The following NCK1 variants were observed in gnomAD, a reference collection of about 807,000 sequenced individuals.
NCK1 encodes SH2/SH3 adapter protein NCK1.
Under a neutral mutation model 36.6 loss-of-function variants are expected in NCK1, and 19 were observed. That is an observed-to-expected ratio of 0.52 (90% CI 0.36 to 0.76). NCK1 has a LOEUF of 0.76. NCK1 is among the 30% of genes least tolerant of loss of function. NCK1 has a pLI of 0.00. For synonymous variants in NCK1, 165 were observed against 156.0 expected (o/e 1.06, Z -0.43); for missense variants, 358 against 445.6 (o/e 0.80, Z 1.77).
chr3:136,905,186 A>G (rs1013598470), intron 1 of NCK1, among the ~76,000 whole-genome samples: 12 of 150,586 alleles, frequency 8.0e-5, no homozygotes, highest in East Asian at 3.9e-4. Context: ...TGTGGCGGCA[A>G]TTTTTTTGTA....
intron 1 of NCK1, among the ~76,000 whole-genome samples, chr3:136,903,710 C>T (rs1939607237): frequency 6.6e-6 from 1 of 152,146 alleles, no homozygotes; most frequent in African/African-American, 2.4e-5. Flanking sequence ...TAGGTGAGAG[C>T]CACACCGCGC....
intron 1 of NCK1, among the ~76,000 whole-genome samples, chr3:136,867,177 CTTCTTTCTTTCT>C (rs1172633221): frequency 3.9e-5 from 1 of 25,582 alleles, no homozygotes; most frequent in Non-Finnish European, 9.3e-5. Context: ...TCCTTCCTTC[CTTCTTTCTTTCT>C]TTTCTTTCTT....
intron 1 of NCK1, among the ~76,000 whole-genome samples, chr3:136,881,471 G>A (rs556654109): frequency 2.6e-5 from 4 of 152,258 alleles, no homozygotes; most frequent in African/African-American, 4.8e-5. Flanking sequence ...GCCCGCCTCG[G>A]CCTCCCAAGT....
intron 2 of NCK1, 111 bp downstream of exon 2, chr3:136,928,338 G>A: frequency 9.5e-7 from 1 of 1,057,336 alleles, no homozygotes; most frequent in Non-Finnish European, 1.3e-6. Context: ...AAAGGCAAGG[G>A]CTAGGTAAGT....
At chr3:136,874,276 A>G (rs1938705456) in intron 1 of NCK1, among the ~76,000 whole-genome samples, 1 of 152,104 alleles carries the variant, frequency 6.6e-6, no homozygotes, top group Admixed American at 6.6e-5. Context: ...CCCAGGTTCA[A>G]GTGATTGTCC....
chr3:136,881,204 C>T (rs757027820), intron 1 of NCK1, among the ~76,000 whole-genome samples: 10 of 152,012 alleles, frequency 6.6e-5, no homozygotes, highest in Non-Finnish European at 1.3e-4. Flanking sequence ...TCTTCACTTA[C>T]ACTATTGGCC....
At chr3:136,864,390 C>G (rs1938349308) in intron 1 of NCK1, among the ~76,000 whole-genome samples, 1 of 152,004 alleles carries the variant, frequency 6.6e-6, no homozygotes, top group Non-Finnish European at 1.5e-5. Context: ...ACTCGGGAGT[C>G]TGAGGCAGGA....
chr3:136,891,331 C>T (rs914681939), intron 1 of NCK1, among the ~76,000 whole-genome samples: 14 of 152,128 alleles, frequency 9.2e-5, no homozygotes, highest in East Asian at 3.9e-4. Context: ...ATGGGGGTTT[C>T]GCCATGTTGG....
intron 1 of NCK1, among the ~76,000 whole-genome samples, chr3:136,908,631 C>T (rs866548226): frequency 2.0e-5 from 3 of 152,136 alleles, no homozygotes; most frequent in African/African-American, 4.8e-5. Context: ...AGGTGAACTG[C>T]GACTGATTAC....
At chr3:136,900,154 C>G (rs1307246966) in intron 1 of NCK1, 3 of 299,212 alleles carry the variant, frequency 1.0e-5, no homozygotes, top group South Asian at 4.1e-5. Context: ...CCACCCAAAA[C>G]CAGACATTGG....
At chr3:136,877,302 G>A (rs1439231740) in intron 1 of NCK1, among the ~76,000 whole-genome samples, 2 of 152,110 alleles carry the variant, frequency 1.3e-5, no homozygotes, top group Non-Finnish European at 2.9e-5. Flanking sequence ...GTTTTCTGAC[G>A]TGTTGGAATT....
intron 2 of NCK1, among the ~76,000 whole-genome samples, chr3:136,932,169 A>G (rs1229298705): frequency 6.6e-6 from 1 of 152,128 alleles, no homozygotes; most frequent in African/African-American, 2.4e-5. Flanking sequence ...CAGTGATTCA[A>G]TATATATCAT....
At chr3:136,930,843 G>A (rs2108133124) in intron 2 of NCK1, among the ~76,000 whole-genome samples, 2 of 152,278 alleles carry the variant, frequency 1.3e-5, no homozygotes, top group African/African-American at 4.8e-5. Context: ...AATGGTTTGA[G>A]TTTGATGCAG....
At chr3:136,893,183 T>TACACACACACACACACACACACACACC (rs1560038389) in intron 1 of NCK1, among the ~76,000 whole-genome samples, 1 of 17,900 alleles carries the variant, frequency 5.6e-5, no homozygotes, top group African/African-American at 1.4e-4. Context: ...TGTGTGTATA[T>TACACACACACACACACACACACACACC]ATATATATAC....
intron 1 of NCK1, among the ~76,000 whole-genome samples, chr3:136,900,444 T>C (rs1330660858): frequency 6.6e-6 from 1 of 152,204 alleles, no homozygotes; most frequent in Non-Finnish European, 1.5e-5. Flanking sequence ...TTAAGATTGC[T>C]TCTTCTATTT....
At chr3:136,912,492 CTTTT>C (rs75755018) in intron 1 of NCK1, among the ~76,000 whole-genome samples, 9 of 145,634 alleles carry the variant, frequency 6.2e-5, no homozygotes, top group Admixed American at 6.8e-5. Flanking sequence ...TTTCTTCAGT[CTTTT>C]TTTTTTTTTT....
intron 1 of NCK1, among the ~76,000 whole-genome samples, chr3:136,883,323 C>A (rs906581442): frequency 6.6e-6 from 1 of 152,164 alleles, no homozygotes; most frequent in African/African-American, 2.4e-5. Flanking sequence ...GCCATACGGT[C>A]ATTTTCTGTA....
intron 2 of NCK1, among the ~76,000 whole-genome samples, chr3:136,942,722 T>C (rs1940709409): frequency 6.6e-6 from 1 of 152,200 alleles, no homozygotes; most frequent in Non-Finnish European, 1.5e-5. Context: ...ACACCCCTTA[T>C]TACCCCATGT....
intron 1 of NCK1, among the ~76,000 whole-genome samples, chr3:136,881,998 A>G (rs1422443689): frequency 6.6e-6 from 1 of 152,192 alleles, no homozygotes; most frequent in Non-Finnish European, 1.5e-5. Context: ...GGGTGTAGAA[A>G]TATCTGTTCA....
Sources: gnomAD v4.1 joint callset for allele counts (sites outside exome capture counted in the v4.1 genomes callset) on GRCh38, gnomAD v4.1.1 for gene constraint, MANE v1.5 for transcripts, NCBI Gene and HGNC (gene_info 2026-07-23, HGNC 2026-07-21) for gene names.